CBLB: variants seen among roughly 807,000 people sequenced by gnomAD.
The protein encoded by CBLB is Cbl proto-oncogene B, also known as E3 ubiquitin-protein ligase CBL-B.
Under a neutral mutation model 104.9 loss-of-function variants are expected in CBLB, and 31 were observed. That is an observed-to-expected ratio of 0.30 (90% CI 0.22 to 0.40). The LOEUF (loss-of-function observed/expected upper bound fraction) is 0.40, where lower values mean the gene tolerates loss of function less well. CBLB is among the 10% of genes least tolerant of loss of function. The probability of loss-of-function intolerance (pLI) is 1.00; values close to 1 mark genes in which losing one functional copy is unlikely to be tolerated. For missense variants in CBLB, 1,062 were observed against 1,214.6 expected, an observed-to-expected ratio of 0.87 and a Z score of 1.87; for synonymous variants, 440 against 422.6, an observed-to-expected ratio of 1.04 and a Z score of -0.51.
At chr3:105,728,901 C>A (rs370996307) in intron 9 of CBLB, among the ~76,000 whole-genome samples, 20 of 152,040 alleles carry the variant, frequency 1.3e-4, no homozygotes, top group African/African-American at 4.8e-4. Flanking sequence ...ACAGCTACTG[C>A]GCATTTCTTA....
At chr3:105,760,736 A>C (rs1488763814) in intron 4 of CBLB, among the ~76,000 whole-genome samples, 2 of 152,180 alleles carry the variant, frequency 1.3e-5, no homozygotes, top group Non-Finnish European at 2.9e-5. Context: ...TGAGGCAAAA[A>C]ATAAAGAGCT....
intron 9 of CBLB, among the ~76,000 whole-genome samples, chr3:105,729,200 G>T (rs2074033174): frequency 6.6e-6 from 1 of 151,952 alleles, no homozygotes; most frequent in Non-Finnish European, 1.5e-5. Context: ...AAATTTGAAG[G>T]ATAACAGGAT....
At chr3:105,850,564 T>C (rs2090811820) in intron 3 of CBLB, among the ~76,000 whole-genome samples, 1 of 152,194 alleles carries the variant, frequency 6.6e-6, no homozygotes, top group African/African-American at 2.4e-5. Context: ...ATTCCATATA[T>C]ATTTAAAATA....
chr3:105,786,068 G>GT (rs1553794773), intron 3 of CBLB, among the ~76,000 whole-genome samples: 2 of 148,582 alleles, frequency 1.3e-5, no homozygotes, highest in South Asian at 2.2e-4. Flanking sequence ...GATCGGGGGG[G>GT]GGAAAGTGGG....
At chr3:105,854,167 T>TAATA in intron 2 of CBLB, among the ~76,000 whole-genome samples, 1 of 152,172 alleles carries the variant, frequency 6.6e-6, no homozygotes, top group African/African-American at 2.4e-5. Flanking sequence ...ACTGAGTTAT[T>TAATA]AAGTAGTAAA....
chr3:105,841,699 C>T (rs542491118), intron 3 of CBLB, among the ~76,000 whole-genome samples: 1 of 151,982 alleles, frequency 6.6e-6, no homozygotes, highest in South Asian at 2.1e-4. Flanking sequence ...ATGATCTGCC[C>T]ACCTCAGCCT....
At chr3:105,788,978 C>T (rs1163564836) in intron 3 of CBLB, among the ~76,000 whole-genome samples, 1 of 152,150 alleles carries the variant, frequency 6.6e-6, no homozygotes, top group East Asian at 1.9e-4. Flanking sequence ...AAATGCTAGG[C>T]ATGACAGTAA....
intron 6 of CBLB, among the ~76,000 whole-genome samples, chr3:105,743,597 C>T (rs1196428369): frequency 1.3e-5 from 2 of 151,794 alleles, no homozygotes; most frequent in Non-Finnish European, 2.9e-5. Flanking sequence ...AATGTTACTA[C>T]CTTCACCCCA....
chr3:105,680,270 T>C (rs1057308495), intron 16 of CBLB, among the ~76,000 whole-genome samples: 1 of 151,980 alleles, frequency 6.6e-6, no homozygotes, highest in African/African-American at 2.4e-5. Flanking sequence ...AAGAAAAAAA[T>C]GACACGCATA....
At chr3:105,671,396 C>T in intron 17 of CBLB, 1 of 216,142 alleles carries the variant, frequency 4.6e-6, no homozygotes, top group Non-Finnish European at 9.3e-6. Flanking sequence ...TTGAATTATA[C>T]CTCCTAAATC....
At chr3:105,701,536 G>C (rs1452997146) in intron 12 of CBLB, among the ~76,000 whole-genome samples, 1 of 152,192 alleles carries the variant, frequency 6.6e-6, no homozygotes, top group Non-Finnish European at 1.5e-5. Context: ...GCTGAGGCGG[G>C]TGGATCCCCT....
At position 105,678,469 on chromosome 3, in the gene CBLB, C is replaced by CT; in HGVS notation, c.2530_2531insA (p.Arg844GlnfsTer18). 6.2e-7 allele frequency: 1 copy of CT among 1,613,970 alleles called. No homozygotes were observed. The highest frequency in any genetic ancestry group is 8.5e-7 in the Non-Finnish European group (1 of 1,179,932). Reference sequence around the variant, plus strand: ...AAAAAGATCCTGTCCTGAGGATGGCCGGCTACTGGAGCCAGGAGGTTTTGA... The same window carrying CT: ...AAAAAGATCCTGTCCTGAGGATGGCCTGGCTACTGGAGCCAGGAGGTTTTGA... On this transcript the variant is annotated frameshift_variant, in exon 17 of 19. Transcript: ENST00000394030. LOFTEE classifies it high-confidence loss of function.
In CBLB at chr3:105,660,348, T is replaced by G. The variant is rs544807255; in HGVS notation, c.2690-1119A>C. Reference sequence around the variant, plus strand: ...GATTACAGGCGTGCACCACCATGCCTGGCTAATTTTTTTTTTTTTTCCCAG... The same window carrying G: ...GATTACAGGCGTGCACCACCATGCCGGGCTAATTTTTTTTTTTTTTCCCAG... On this transcript the variant is annotated intron_variant, in intron 18 of 18. Transcript: ENST00000394030. Among the ~76,000 whole-genome samples, 350 of 151,496 alleles carry G rather than the reference T, an allele frequency of 2.3e-3. 4 individuals are homozygous for G. Among genetic ancestry groups the G allele is most frequent in the Non-Finnish European group, 4.3e-3 (291 of 67,912 alleles).
chr3:105,842,582 A>G (rs2089707414), intron 3 of CBLB, among the ~76,000 whole-genome samples: 1 of 152,184 alleles, frequency 6.6e-6, no homozygotes, highest in Non-Finnish European at 1.5e-5. Context: ...CTTAAATAAT[A>G]TGGAAGAGAA....
At chr3:105,814,298 T>G (rs1357563724) in intron 3 of CBLB, among the ~76,000 whole-genome samples, 2 of 152,204 alleles carry the variant, frequency 1.3e-5, no homozygotes, top group Non-Finnish European at 2.9e-5. Flanking sequence ...ATAAGAGGAT[T>G]TATCAATATA....
chr3:105,806,308 T>C (rs1463698430), intron 3 of CBLB, among the ~76,000 whole-genome samples: 1 of 152,130 alleles, frequency 6.6e-6, no homozygotes, highest in Non-Finnish European at 1.5e-5. Context: ...CTCATGTAAA[T>C]ACCTTGTAAC....
chr3:105,856,754 C>G (rs1255367328), intron 2 of CBLB, among the ~76,000 whole-genome samples: 1 of 152,238 alleles, frequency 6.6e-6, no homozygotes, highest in Non-Finnish European at 1.5e-5. Flanking sequence ...AAGATGTCAT[C>G]TCATTTACTA....
At chr3:105,778,333 A>C (rs1236715145) in intron 3 of CBLB, among the ~76,000 whole-genome samples, 1 of 152,134 alleles carries the variant, frequency 6.6e-6, no homozygotes, top group African/African-American at 2.4e-5. Context: ...TAACTGTCAA[A>C]TAATAATAAT....
intron 2 of CBLB, among the ~76,000 whole-genome samples, chr3:105,861,149 T>C (rs1408987983): frequency 6.6e-6 from 1 of 151,400 alleles, no homozygotes; most frequent in Non-Finnish European, 1.5e-5. Flanking sequence ...AAAAAACCTT[T>C]AGTAAAATTG....
Sources: gnomAD v4.1 joint callset for allele counts (sites outside exome capture counted in the v4.1 genomes callset) on GRCh38, gnomAD v4.1.1 for gene constraint, MANE v1.5 for transcripts, NCBI Gene and HGNC (gene_info 2026-07-23, HGNC 2026-07-21) for gene names.